Variants in CACNA2D3 observed in about 807,000 individuals in gnomAD.
CACNA2D3 encodes calcium voltage-gated channel auxiliary subunit alpha2delta 3.
CACNA2D3 carries 60 observed loss-of-function variants against 160.6 expected under a neutral mutation model. The ratio of observed to expected loss-of-function variants is 0.37; its 90% CI spans 0.30 to 0.46. The LOEUF is 0.46. CACNA2D3 is among the 20% of genes least tolerant of loss of function. CACNA2D3 has a pLI of 1.00. For synonymous variants in CACNA2D3, 558 were observed against 492.9 expected (o/e 1.13, Z -1.75); for missense variants, 1,205 against 1,365.0 (o/e 0.88, Z 1.85).
chr3:54,659,692 A>T (rs988612730), intron 11 of CACNA2D3, among the ~76,000 whole-genome samples: 4 of 152,348 alleles, frequency 2.6e-5, no homozygotes, highest in African/African-American at 9.6e-5. Context: ...GACCTTGGAC[A>T]GGAAAGGCTT....
At chr3:54,501,133 A>G (rs966691137) in intron 4 of CACNA2D3, among the ~76,000 whole-genome samples, 1 of 152,154 alleles carries the variant, frequency 6.6e-6, no homozygotes, top group South Asian at 2.1e-4. Flanking sequence ...TTCATGAGGG[A>G]GGAGCCCTCA....
At chr3:54,450,874 C>T (rs1700294389) in intron 4 of CACNA2D3, among the ~76,000 whole-genome samples, 1 of 152,158 alleles carries the variant, frequency 6.6e-6, no homozygotes, top group East Asian at 1.9e-4. Flanking sequence ...GGGTGTGGTG[C>T]ATCCTGGGAC....
intron 10 of CACNA2D3, among the ~76,000 whole-genome samples, chr3:54,641,457 A>C (rs1312713485): frequency 1.3e-5 from 2 of 152,212 alleles, no homozygotes; most frequent in Non-Finnish European, 2.9e-5. Flanking sequence ...CTTCAGAGAG[A>C]ATAGATGGCA....
In CACNA2D3 at chr3:54,331,971, A is replaced by G. The variant is rs566397718; in HGVS notation, c.321+11413A>G. Among the ~76,000 whole-genome samples the G allele has an allele frequency of 3.9e-5, 6 of 152,342 alleles. No individual in the cohort carries two copies. In the East Asian group the frequency reaches 1.2e-3, roughly 29 times the overall value. ...CTGGTCCCCAGCATAACTTTCCTGT[A>G]GCATGGACTGAGACAGTATTGGTCA... On this transcript the variant is annotated intron_variant, in intron 3 of 37. Coordinates refer to ENST00000474759, the MANE Select transcript of CACNA2D3 (RefSeq NM_018398.3).
chr3:54,190,529 G>C (rs556405838), intron 2 of CACNA2D3, among the ~76,000 whole-genome samples: 1 of 152,126 alleles, frequency 6.6e-6, no homozygotes, highest in Non-Finnish European at 1.5e-5. Flanking sequence ...ATCATTGTAC[G>C]TTTGATTTTT....
chr3:54,930,557 G>A (rs1343073610), intron 27 of CACNA2D3, among the ~76,000 whole-genome samples: 1 of 152,232 alleles, frequency 6.6e-6, no homozygotes, highest in Non-Finnish European at 1.5e-5. Context: ...ACAATTGGAT[G>A]TTGGAGGTCA....
intron 11 of CACNA2D3, among the ~76,000 whole-genome samples, chr3:54,669,599 C>T (rs1700122766): frequency 6.6e-6 from 1 of 151,940 alleles, no homozygotes. Flanking sequence ...TATTTAGAAC[C>T]TAAAGGATGA....
At chr3:54,739,975 G>A (rs1437918073) in intron 11 of CACNA2D3, among the ~76,000 whole-genome samples, 1 of 151,988 alleles carries the variant, frequency 6.6e-6, no homozygotes, top group Non-Finnish European at 1.5e-5. Flanking sequence ...TCCCCATTGT[G>A]CCTCCAGCCT....
chr3:54,466,261 G>A (rs762701691), intron 4 of CACNA2D3, among the ~76,000 whole-genome samples: 3 of 152,188 alleles, frequency 2.0e-5, no homozygotes, highest in African/African-American at 7.2e-5. Context: ...CACAGTGAGT[G>A]TTGTATAAAT....
intron 11 of CACNA2D3, among the ~76,000 whole-genome samples, chr3:54,717,788 T>C (rs1041122229): frequency 2.4e-5 from 2 of 82,820 alleles, no homozygotes; most frequent in African/African-American, 9.4e-5. Context: ...TGCATGTGCG[T>C]GTGTGGTGTG....
At chr3:54,406,690 G>C (rs985504529) in intron 4 of CACNA2D3, among the ~76,000 whole-genome samples, 27 of 151,966 alleles carry the variant, frequency 1.8e-4, no homozygotes, top group African/African-American at 6.3e-4. Context: ...GGGAGTTGTA[G>C]GTCAAAGAAT....
intron 11 of CACNA2D3, among the ~76,000 whole-genome samples, chr3:54,648,238 TA>T (rs1699691294): frequency 1.3e-5 from 2 of 152,250 alleles, no homozygotes; most frequent in East Asian, 3.9e-4. Context: ...TTCACATTTT[TA>T]AATGTTCAAA....
At chr3:54,554,347 T>C (rs1575342420) in intron 5 of CACNA2D3, among the ~76,000 whole-genome samples, 2 of 152,246 alleles carry the variant, frequency 1.3e-5, no homozygotes, top group East Asian at 3.8e-4. Flanking sequence ...TCTGGCATAA[T>C]GTTGAATGCC....
Position 54,271,066 on chromosome 3 carries a change from G to A in CACNA2D3, c.205-49376G>A, listed in dbSNP as rs532046648. ...CATTTTTAGAAGGAATTATTTCTAA[G>A]TGACAGCTGGTGGTAACAGAATGAC... On this transcript the variant is annotated intron_variant, in intron 2 of 37. Transcript: ENST00000474759. Among the ~76,000 whole-genome samples, 20 of 152,308 alleles carry A rather than the reference G, an allele frequency of 1.3e-4. 1 individual carries two copies. Among genetic ancestry groups the A allele is most frequent in the Middle Eastern group, 6.8e-3 (2 of 294 alleles).
intron 2 of CACNA2D3, among the ~76,000 whole-genome samples, chr3:54,280,559 G>C (rs1702854549): frequency 6.6e-6 from 1 of 152,030 alleles, no homozygotes; most frequent in Non-Finnish European, 1.5e-5. Context: ...GAGAGTAAAG[G>C]AGTGTAGTCA....
In CACNA2D3 at chr3:55,074,175, T is replaced by G; in HGVS notation, c.3245T>G (p.Leu1082Arg). 1 of 1,613,768 alleles carries G rather than the reference T, an allele frequency of 6.2e-7. No homozygotes were observed. The highest frequency in any genetic ancestry group is 1.7e-4 in the Middle Eastern group (1 of 6,060). The change falls in exon 38 of 38, where the codon CTC becomes CGC. Residue 1082 changes from leucine to arginine, a missense_variant. Around this residue, in one of 3 missense-constraint regions of CACNA2D3, gnomAD observed 911 missense variants for 1,002.2 expected, o/e 0.91. Coordinates refer to ENST00000474759, the MANE Select transcript of CACNA2D3 (RefSeq NM_018398.3). ...SLQAQTVLLL[L>R]PLLLMLFSR ...CAAGCCCAGACAGTCCTCCTTCTGC[T>G]CCCTCTGCTTTTGATGCTCTTCTCA...
chr3:54,350,993 T>TTTTTTA (rs1698552785), intron 3 of CACNA2D3, among the ~76,000 whole-genome samples: 1 of 117,996 alleles, frequency 8.5e-6, no homozygotes, highest in Non-Finnish European at 1.8e-5. Flanking sequence ...TTTGTTTTTT[T>TTTTTTA]TTTTTTTTTT....
At chr3:54,410,774 A>G (rs574017900) in intron 4 of CACNA2D3, among the ~76,000 whole-genome samples, 2 of 152,292 alleles carry the variant, frequency 1.3e-5, no homozygotes, top group East Asian at 1.9e-4. Context: ...CGGATCAGGG[A>G]GTAATTTCAA....
chr3:54,302,541 A>C (rs924790870), intron 2 of CACNA2D3, among the ~76,000 whole-genome samples: 1 of 152,172 alleles, frequency 6.6e-6, no homozygotes, highest in South Asian at 2.1e-4. Context: ...TTGGTCTTCC[A>C]GGCTGTTTGC....
Sources: gnomAD v4.1 joint callset for allele counts (sites outside exome capture counted in the v4.1 genomes callset) on GRCh38, gnomAD v4.1.1 for gene constraint, gnomAD v4.1.1 regional missense constraint, MANE v1.5 for transcripts, NCBI Gene and HGNC (gene_info 2026-07-23, HGNC 2026-07-21) for gene names.